Variants in POLQ observed in about 807,000 individuals in gnomAD.
The protein encoded by POLQ is epididymis secretory sperm binding protein.
In POLQ, 233 loss-of-function variants were observed where a neutral mutation model predicts 259.2. That is an observed-to-expected ratio of 0.90 (90% CI 0.81 to 1.00). The LOEUF (loss-of-function observed/expected upper bound fraction) is 1.00. POLQ is among the 50% of genes least tolerant of loss of function. The pLI, the probability that POLQ is intolerant of heterozygous loss-of-function variation, is 0.00. For synonymous variants in POLQ, 1,025 were observed against 1,048.8 expected (o/e 0.98, Z 0.44); for missense variants, 2,871 against 3,051.6 (o/e 0.94, Z 1.39).
chr3:121,516,936 T>C (rs929109327), intron 9 of POLQ, among the ~76,000 whole-genome samples: 2 of 152,246 alleles, frequency 1.3e-5, no homozygotes, highest in Non-Finnish European at 2.9e-5. Context: ...AATGAACTTA[T>C]TACAGTATAT....
At chr3:121,512,734 T>C (rs2048264314) in intron 9 of POLQ, among the ~76,000 whole-genome samples, 1 of 152,314 alleles carries the variant, frequency 6.6e-6, no homozygotes, top group South Asian at 2.1e-4. Flanking sequence ...CCTAAGAAAG[T>C]AGAGGAAAAG....
In POLQ at chr3:121,498,564, A is replaced by G. The variant is rs751627894; in HGVS notation, c.2066T>C (p.Val689Ala). The stretch of plus-strand genomic sequence containing the variant: ...ACAACGGGCCAAGAACCCCTCTTCA[A>G]CTCCCACTAGCTCTGCCACCCTTTT... The part of the protein sequence containing the change: ...SMKRVAELVG[V>A]EEGFLARCVK... Residue 689 changes from valine (V) to alanine (A), a missense_variant, in exon 13 of 30, where the codon GTT (valine) becomes GCT (alanine). Val to Ala is a moderately conservative substitution (Grantham distance 64, BLOSUM62 0). Coordinates refer to ENST00000264233, the MANE Select transcript of POLQ (RefSeq NM_199420.4). The G allele has an allele frequency of 1.2e-6, 2 of 1,613,774 alleles. No individual in the cohort carries two copies. Among genetic ancestry groups the G allele is most frequent in the Non-Finnish European group, 1.7e-6 (2 of 1,179,936 alleles).
At chr3:121,450,080 G>GT (rs151170089) in intron 25 of POLQ, among the ~76,000 whole-genome samples, 5,493 of 152,236 alleles carry the variant, frequency 0.036, 147 homozygotes, top group Middle Eastern at 0.082. Flanking sequence ...TTCACAAAAT[G>GT]TATCATCTTG....
At chr3:121,493,827 G>C in intron 14 of POLQ, 106 bp from the exon 15 acceptor site, 1 of 1,089,188 alleles carries the variant, frequency 9.2e-7, no homozygotes, top group Non-Finnish European at 1.3e-6. Flanking sequence ...CTGCAAAATT[G>C]TAAGATTTAA....
Position 121,490,379 on chromosome 3 carries a change from T to TC in POLQ, c.2551dup (p.Glu851GlyfsTer4), listed in dbSNP as rs1474684495. ...CATATTGCGACGTTCTTCAACTGCTTCCTCTTCCTCATCCACTGCCTTCCG... is the reference window on the plus strand; with the variant it reads ...CATATTGCGACGTTCTTCAACTGCTTCCCTCTTCCTCATCCACTGCCTTCCG... On this transcript the variant is annotated frameshift_variant, in exon 16 of 30. Transcript: ENST00000264233. LOFTEE classifies it high-confidence loss of function. 1 of 1,614,210 alleles carries TC rather than the reference T, an allele frequency of 6.2e-7. No homozygotes were observed. The highest frequency in any genetic ancestry group is 1.7e-5 in the Admixed American group (1 of 60,026).
At chr3:121,490,469 T>C in intron 15 of POLQ, 61 bp from the exon 16 acceptor site, 1 of 1,351,630 alleles carries the variant, frequency 7.4e-7, no homozygotes, top group South Asian at 1.3e-5. Context: ...CAAGTATTTA[T>C]TAAACATGCA....
At chr3:121,498,154 T>C (rs964951246) in intron 13 of POLQ, among the ~76,000 whole-genome samples, 7 of 151,728 alleles carry the variant, frequency 4.6e-5, no homozygotes, top group South Asian at 4.2e-4. Context: ...CTATTAAAAA[T>C]ATAAAATGAG....
At chr3:121,506,221 TACCACAAAGC>T (rs979754504) in intron 12 of POLQ, among the ~76,000 whole-genome samples, 14 of 151,950 alleles carry the variant, frequency 9.2e-5, no homozygotes, top group African/African-American at 3.4e-4. Context: ...ATTCTACTTA[TACCACAAAGC>T]ACCAATCTCC....
chr3:121,511,670 C>T (rs1422461344), intron 10 of POLQ, among the ~76,000 whole-genome samples: 2 of 151,908 alleles, frequency 1.3e-5, no homozygotes, highest in Non-Finnish European at 2.9e-5. Context: ...CCCAGCTACT[C>T]GGGAGGCTGG....
At chr3:121,494,999 C>A (rs1248238292) in intron 14 of POLQ, 15 of 649,754 alleles carry the variant, frequency 2.3e-5, no homozygotes, top group Non-Finnish European at 3.5e-5. Context: ...ATGCTGGGCG[C>A]AGTGGCTCAC....
At chr3:121,481,040 G>A (rs2047966374) in intron 19 of POLQ, among the ~76,000 whole-genome samples, 1 of 152,182 alleles carries the variant, frequency 6.6e-6, no homozygotes, top group South Asian at 2.1e-4. Flanking sequence ...ATAAATTCAT[G>A]TTATTTGTCA....
chr3:121,493,339 G>T, intron 15 of POLQ, 139 bp downstream of exon 15: 1 of 614,838 alleles, frequency 1.6e-6, no homozygotes, highest in Non-Finnish European at 2.6e-6. Flanking sequence ...GGAAAAAGTA[G>T]CCATATTTTC....
Position 121,490,120 on chromosome 3 carries a change from C to T in POLQ, c.2811G>A (p.Lys937=). The part of the protein sequence containing the change: ...TKSSYKKLTS[K]NKSNTIFSDS... ...CACTAAATATTGTGTTACTTTTGTT[C>T]TTTGATGTTAATTTTTTATAAGAAC... Residue 937 remains lysine (K), a synonymous_variant, in exon 16 of 30, where the codon AAG becomes AAA. Transcript: ENST00000264233. 6.2e-7 allele frequency: 1 copy of T among 1,605,906 alleles called. No individual in the cohort carries two copies. The highest frequency in any genetic ancestry group is 8.5e-7 in the Non-Finnish European group (1 of 1,174,782).
intron 7 of POLQ, among the ~76,000 whole-genome samples, chr3:121,525,258 G>A (rs7629167): frequency 2.0e-5 from 3 of 151,844 alleles, no homozygotes; most frequent in East Asian, 1.9e-4. Flanking sequence ...GGAGAATGGC[G>A]TGAACCTGGG....
chr3:121,524,225 G>T (rs770164300), intron 7 of POLQ, among the ~76,000 whole-genome samples: 2 of 152,118 alleles, frequency 1.3e-5, no homozygotes, highest in Non-Finnish European at 1.5e-5. Flanking sequence ...GGTGTAGAAG[G>T]TACCAGTTAA....
At chr3:121,494,420 G>A in intron 14 of POLQ, 1 of 1,553,978 alleles carries the variant, frequency 6.4e-7, no homozygotes, top group Non-Finnish European at 8.8e-7. Context: ...GTACAGACCA[G>A]AGTCAAGGCA....
In POLQ at chr3:121,545,848, C is replaced by A. The variant is rs1030936427; in HGVS notation, c.30G>T (p.Arg10=). 1 of 1,614,052 alleles carries A rather than the reference C, an allele frequency of 6.2e-7. No individual in the cohort carries two copies. Among genetic ancestry groups the A allele is most frequent in the African/African-American group, 1.3e-5 (1 of 75,062 alleles). The change falls in exon 1 of 30, where the codon CGG becomes CGT. Residue 10 remains arginine (R), a synonymous_variant. Coordinates refer to ENST00000264233, the MANE Select transcript of POLQ (RefSeq NM_199420.4). The part of the protein sequence containing the change: MNLLRRSGK[R]RRSESGSDSF... ...AATCTGAGCCTGATTCTGAACGCCG[C>A]CGTTTCCCACTCCGACGCAGAAGAT...
intron 24 of POLQ, among the ~76,000 whole-genome samples, chr3:121,466,559 C>A (rs190854984): frequency 4.0e-5 from 6 of 151,604 alleles, no homozygotes; most frequent in African/African-American, 1.5e-4. Context: ...GCATGGTGGC[C>A]CATGCTTGTA....
intron 12 of POLQ, among the ~76,000 whole-genome samples, chr3:121,499,267 C>CTTT (rs34141063): frequency 7.4e-6 from 1 of 135,630 alleles, no homozygotes. Flanking sequence ...GAACCCAAGT[C>CTTT]TTTTTTTTTT....
Sources: allele counts gnomAD v4.1 joint callset (sites outside exome capture counted in the v4.1 genomes callset), GRCh38; gene constraint gnomAD v4.1.1; transcripts MANE v1.5; gene names NCBI Gene and HGNC (gene_info 2026-07-23, HGNC 2026-07-21).